The following FAM133A variants were observed in gnomAD, a reference collection of about 807,000 sequenced individuals.
The protein encoded by FAM133A is protein FAM133A.
For synonymous variants in FAM133A, 65 were observed against 58.6 expected, an observed-to-expected ratio of 1.11 and a Z score of -0.50; for missense variants, 159 against 164.4, an observed-to-expected ratio of 0.97 and a Z score of 0.18.
chrX:93,703,733 T>G (rs1926869734), intron 3 of FAM133A, among the ~76,000 whole-genome samples: 1 of 112,168 alleles, frequency 8.9e-6, no homozygotes, highest in South Asian at 3.7e-4. Context: ...TACTTGGAGC[T>G]TCTACCCTGT....
chrX:93,697,920 T>C (rs1009464123), intron 2 of FAM133A, among the ~76,000 whole-genome samples: 27 of 111,894 alleles, frequency 2.4e-4, no homozygotes, highest in African/African-American at 7.8e-4. Flanking sequence ...ATTTTATAAA[T>C]ATTACCCCAG....
chrX:93,709,203 T>G, intron 3 of FAM133A, 114 bp from the exon 4 acceptor site: 1 of 355,014 alleles, frequency 2.8e-6, no homozygotes, highest in Non-Finnish European at 4.4e-6. Flanking sequence ...TGGTATAAGA[T>G]TTTGGAAATT....
intron 3 of FAM133A, among the ~76,000 whole-genome samples, chrX:93,699,651 G>T (rs911701342): frequency 9.0e-6 from 1 of 110,607 alleles, no homozygotes; most frequent in African/African-American, 3.3e-5. Flanking sequence ...CTATATACCC[G>T]CAATCTAGAG....
rs200658365 is a variant in FAM133A at position 93,710,197 on chromosome X, C to T, written c.*31C>T. On this transcript the variant is annotated 3_prime_UTR_variant, in exon 4 of 4. Transcript: ENST00000683942. ...AGAAAAAAAGCAAGAATGAGTTTGC[C>T]GAGTTCCCCTGTGTTAGTAGAATTA... The T allele has an allele frequency of 2.4e-4, 275 of 1,136,803 alleles. No homozygotes were observed. The highest frequency in any genetic ancestry group is 3.0e-4 in the Non-Finnish European group (260 of 865,891). 93.7% of individuals were successfully genotyped at this position (1,136,803 alleles called of 1,213,427 possible).
At chrX:93,702,863 A>C (rs10126260) in intron 3 of FAM133A, among the ~76,000 whole-genome samples, 30,567 of 87,248 alleles carry the variant, frequency 0.35, 4,764 homozygotes, top group Non-Finnish European at 0.44. Flanking sequence ...AAAAAAAAAA[A>C]AAAAAAACAA....
In FAM133A at chrX:93,711,396, C is replaced by G. The variant is rs1251573664; in HGVS notation, c.*1230C>G. On this transcript the variant is annotated 3_prime_UTR_variant, in exon 4 of 4. Transcript: ENST00000683942. ...AATGACATCATTGATCTTCCTGTGT[C>G]CGTATTTTCCTACAATTTGGTGCCT... 8.2e-6 allele frequency: 1 copy of G among 122,415 alleles called. No homozygotes were observed. Among genetic ancestry groups the G allele is most frequent in the African/African-American group, 3.3e-5 (1 of 30,578 alleles). 10.1% of individuals were successfully genotyped at this position (122,415 alleles called of 1,213,427 possible).
intron 2 of FAM133A, among the ~76,000 whole-genome samples, chrX:93,696,752 C>G (rs988212901): frequency 7.3e-5 from 8 of 110,045 alleles, no homozygotes; most frequent in African/African-American, 2.7e-4. Context: ...CACCCCGTCT[C>G]TACTAAAAAT....
rs1430377836 is a variant in FAM133A at position 93,698,450 on chromosome X, A to T, written c.-139A>T. ...AAGCAGCTGGAAAAGGTGAGAGGAA[A>T]ACCTAGAGTGTGTGTTATCCTGCAA... On this transcript the variant is annotated 5_prime_UTR_variant, in exon 3 of 4. Transcript: ENST00000683942. 1 of 111,912 alleles carries T rather than the reference A, an allele frequency of 8.9e-6. No homozygotes were observed. Among genetic ancestry groups the T allele is most frequent in the Admixed American group, 9.5e-5 (1 of 10,509 alleles). 9.2% of individuals were successfully genotyped at this position (111,912 alleles called of 1,213,427 possible).
At chrX:93,707,878 G>A (rs768287391) in intron 3 of FAM133A, among the ~76,000 whole-genome samples, 19 of 111,989 alleles carry the variant, frequency 1.7e-4, no homozygotes, top group Middle Eastern at 4.7e-3. Context: ...TGGGAACACC[G>A]TGGTGAATAA....
At chrX:93,704,428 T>A (rs767008780) in intron 3 of FAM133A, among the ~76,000 whole-genome samples, 6 of 111,773 alleles carry the variant, frequency 5.4e-5, no homozygotes, top group African/African-American at 1.9e-4. Context: ...GGTTTTTTTT[T>A]AAATAGGAGC....
chrX:93,687,384 A>G (rs1183414119), intron 2 of FAM133A, among the ~76,000 whole-genome samples: 2 of 111,646 alleles, frequency 1.8e-5, no homozygotes, highest in African/African-American at 6.5e-5. Context: ...TATTGGATAC[A>G]GTGTACACTG....
intron 2 of FAM133A, among the ~76,000 whole-genome samples, chrX:93,675,742 A>G (rs1924640799): frequency 9.0e-6 from 1 of 111,546 alleles, no homozygotes; most frequent in African/African-American, 3.3e-5. Context: ...TTCAACTAAT[A>G]TATTTTTGTG....
intron 2 of FAM133A, among the ~76,000 whole-genome samples, chrX:93,676,026 A>T (rs1261858716): frequency 1.8e-5 from 2 of 111,071 alleles, no homozygotes; most frequent in Non-Finnish European, 3.8e-5. Context: ...AGGGATCCAG[A>T]TTTTTAAAAT....
chrX:93,683,053 T>C (rs774209563), intron 2 of FAM133A, among the ~76,000 whole-genome samples: 28 of 112,288 alleles, frequency 2.5e-4, no homozygotes, highest in African/African-American at 9.0e-4. Context: ...TACATTAGTT[T>C]ACTAAATTTT....
At chrX:93,688,189 G>T (rs1925664339) in intron 2 of FAM133A, among the ~76,000 whole-genome samples, 1 of 108,730 alleles carries the variant, frequency 9.2e-6, no homozygotes, top group African/African-American at 3.4e-5. Context: ...CAGGCAGTGG[G>T]ATTGCTGGAT....
intron 2 of FAM133A, among the ~76,000 whole-genome samples, chrX:93,689,551 G>T (rs1925757988): frequency 9.0e-6 from 1 of 110,931 alleles, no homozygotes; most frequent in African/African-American, 3.3e-5. Flanking sequence ...TTTAAATAAA[G>T]GGTATAAATA....
chrX:93,705,334 T>G (rs1926971506), intron 3 of FAM133A, among the ~76,000 whole-genome samples: 1 of 111,933 alleles, frequency 8.9e-6, no homozygotes, highest in African/African-American at 3.2e-5. Context: ...TACTCTTTGT[T>G]CTATAATAGA....
intron 2 of FAM133A, among the ~76,000 whole-genome samples, chrX:93,692,099 T>C (rs1053637016): frequency 2.7e-5 from 3 of 111,846 alleles, no homozygotes; most frequent in African/African-American, 9.7e-5. Context: ...ACCAGAAATG[T>C]TTCAGATTTT....
rs185492021 is a variant in FAM133A, at chrX:93,685,097, C to A, written c.-193+10345C>A. On this transcript the variant is annotated intron_variant, in intron 2 of 3. Transcript: ENST00000683942. ...ATCAGAGGCAGTACTGTCCTGCTCT[C>A]CATTATGTTCACAGTCTAAGTTCTG... Among the ~76,000 whole-genome samples the A allele has an allele frequency of 3.1e-3, 349 of 111,907 alleles. 3 individuals carry two copies. Among genetic ancestry groups the A allele is most frequent in the African/African-American group, 0.011 (337 of 30,874 alleles).
Sources: gnomAD v4.1 joint callset for allele counts (sites outside exome capture counted in the v4.1 genomes callset) on GRCh38, gnomAD v4.1.1 for gene constraint, MANE v1.5 for transcripts, NCBI Gene and HGNC (gene_info 2026-07-23, HGNC 2026-07-21) for gene names.